The following EIF2AK3 variants were observed in gnomAD, a reference collection of about 807,000 sequenced individuals.
The protein encoded by EIF2AK3 is eukaryotic translation initiation factor 2-alpha kinase 3.
EIF2AK3 carries 50 observed loss-of-function variants against 113.5 expected under a neutral mutation model. The observed-to-expected ratio is 0.44, with a 90% CI of 0.35 to 0.56. The LOEUF (loss-of-function observed/expected upper bound fraction) is 0.56. EIF2AK3 is among the 20% of genes least tolerant of loss of function. The pLI is 0.00. For synonymous variants in EIF2AK3, 448 were observed against 495.4 expected (o/e 0.90, Z 1.27); for missense variants, 1,185 against 1,378.0 (o/e 0.86, Z 2.22).
chr2:88,573,110 C>CTTT (rs112158228), intron 13 of EIF2AK3, among the ~76,000 whole-genome samples: 1 of 128,324 alleles, frequency 7.8e-6, no homozygotes, highest in African/African-American at 2.7e-5. Flanking sequence ...AAAATCTTGG[C>CTTT]TTTTTTTTTT....
intron 14 of EIF2AK3, among the ~76,000 whole-genome samples, chr2:88,567,352 TTG>T (rs753884122): frequency 3.5e-4 from 53 of 152,344 alleles, no homozygotes; most frequent in Admixed American, 1.6e-3. Flanking sequence ...TTGCTGCAGT[TTG>T]TGTTTGTCGT....
rs752723076 is a variant in EIF2AK3, at chr2:88,583,512, T to A, written c.1681A>T (p.Thr561Ser). 3 of 1,613,202 alleles carry A rather than the reference T, an allele frequency of 1.9e-6. No homozygotes were observed. In the Admixed American group the frequency reaches 5.0e-5, roughly 27 times the overall value. ...QRKESETQCQ[T>S]ENKYDSVSGE... is the part of the protein sequence containing the mutation. ...CTTACAGAATCATATTTATTTTCAG[T>A]TTGACACTGAGTTTCAGACTCCTTC... The change falls in exon 10 of 17, where the codon ACT becomes TCT. Residue 561 changes from threonine to serine, a missense_variant. By Grantham distance (58) the Thr-to-Ser change is moderately conservative. Around this residue, in one of 3 missense-constraint regions of EIF2AK3, gnomAD observed 877 missense variants for 1,024.2 expected, o/e 0.86. Transcript: ENST00000303236.
chr2:88,604,479 C>G (rs1363270582), intron 2 of EIF2AK3, among the ~76,000 whole-genome samples: 1 of 152,202 alleles, frequency 6.6e-6, no homozygotes, highest in Non-Finnish European at 1.5e-5. Context: ...TAGGTAAGCA[C>G]TTATGCTTGT....
chr2:88,621,233 G>A (rs1024827476), intron 1 of EIF2AK3, among the ~76,000 whole-genome samples: 3 of 152,008 alleles, frequency 2.0e-5, no homozygotes, highest in Non-Finnish European at 2.9e-5. Flanking sequence ...CAATGAATAC[G>A]CAATAAAAAA....
At chr2:88,577,864 A>T (rs1573395619) in intron 11 of EIF2AK3, among the ~76,000 whole-genome samples, 1 of 152,148 alleles carries the variant, frequency 6.6e-6, no homozygotes, top group Non-Finnish European at 1.5e-5. Context: ...ACTCTTGAGC[A>T]CCCAGAGCAA....
chr2:88,599,739 C>G (rs1378511589), intron 2 of EIF2AK3, among the ~76,000 whole-genome samples: 1 of 151,992 alleles, frequency 6.6e-6, no homozygotes, highest in Non-Finnish European at 1.5e-5. Flanking sequence ...GACTTATTTC[C>G]TCTTCCATTA....
At chr2:88,575,521 T>TA in intron 12 of EIF2AK3, 75 bp from the exon 13 acceptor site, 1 of 1,533,502 alleles carries the variant, frequency 6.5e-7, no homozygotes. Flanking sequence ...ACCCTCTGTT[T>TA]AAAAAGCTTC....
intron 1 of EIF2AK3, among the ~76,000 whole-genome samples, chr2:88,619,357 A>G (rs909567748): frequency 2.6e-5 from 4 of 152,056 alleles, no homozygotes; most frequent in Non-Finnish European, 4.4e-5. Context: ...TACATGTTCT[A>G]CCTAGATGGT....
chr2:88,568,706 AAAAC>A (rs1455285271), intron 14 of EIF2AK3, among the ~76,000 whole-genome samples: 1 of 152,226 alleles, frequency 6.6e-6, no homozygotes, highest in Non-Finnish European at 1.5e-5. Flanking sequence ...GTCAATTTAA[AAAAC>A]AAACTAATTT....
chr2:88,602,121 G>A (rs553497661), intron 2 of EIF2AK3, among the ~76,000 whole-genome samples: 1 of 152,164 alleles, frequency 6.6e-6, no homozygotes, highest in African/African-American at 2.4e-5. Context: ...AAAGTGCTGG[G>A]ATTACAGGCG....
chr2:88,579,754 CTTAATA>C lies in EIF2AK3; in HGVS notation c.1764-120_1764-115del, dbSNP rs958772154. The C allele has an allele frequency of 5.2e-6, 5 of 953,254 alleles. No individual in the cohort carries two copies. The African/African-American group carries it at 8.3e-5, about 16-fold the overall frequency. 59.0% of individuals were successfully genotyped at this position (953,254 alleles called of 1,614,324 possible). ...AAATGTATAAACTCATAGAACTCATCTTAATAAATAGTATATTTTGAATTTGATTAA... is the reference window on the plus strand; with the variant it reads ...AAATGTATAAACTCATAGAACTCATCAATAGTATATTTTGAATTTGATTAA... On this transcript the variant is annotated intron_variant, in intron 10 of 16. Coordinates refer to ENST00000303236, the MANE Select transcript of EIF2AK3 (RefSeq NM_004836.7).
chr2:88,628,077 AGAT>A (rs1675923797), upstream of EIF2AK3: 1 of 152,398 alleles, frequency 6.6e-6, no homozygotes, highest in African/African-American at 2.4e-5. Context: ...AGGATGCAGG[AGAT>A]GGTCCTACTT....
chr2:88,616,285 C>T (rs1241644992), intron 1 of EIF2AK3, among the ~76,000 whole-genome samples: 1 of 152,172 alleles, frequency 6.6e-6, no homozygotes, highest in Non-Finnish European at 1.5e-5. Flanking sequence ...TCAGAGTTTG[C>T]ATATCCATAG....
intron 2 of EIF2AK3, among the ~76,000 whole-genome samples, chr2:88,608,222 C>T (rs971495429): frequency 2.0e-5 from 3 of 152,168 alleles, no homozygotes; most frequent in African/African-American, 7.2e-5. Context: ...CTTCTCTGGT[C>T]TTCTGAGTTA....
intron 2 of EIF2AK3, among the ~76,000 whole-genome samples, chr2:88,613,397 T>G (rs1030603362): frequency 6.6e-6 from 1 of 152,226 alleles, no homozygotes; most frequent in Non-Finnish European, 1.5e-5. Context: ...TATCTTATTA[T>G]TCCTAGAGAT....
At chr2:88,571,072 T>C (rs1173981133) in intron 13 of EIF2AK3, 31 bp from the exon 14 acceptor site, 2 of 1,612,338 alleles carry the variant, frequency 1.2e-6, no homozygotes, top group Non-Finnish European at 1.7e-6. Context: ...AAAAGTACAG[T>C]GGGTGTGCAT....
intron 1 of EIF2AK3, among the ~76,000 whole-genome samples, chr2:88,626,591 C>G (rs1474086536): frequency 2.0e-5 from 3 of 152,196 alleles, no homozygotes; most frequent in Non-Finnish European, 4.4e-5. Flanking sequence ...ACAGCTGTCA[C>G]GCCAGCACAG....
rs758593623 is a variant in EIF2AK3, at chr2:88,574,935, CAGA to C, written c.2545_2547del (p.Ser849del). On this transcript the variant is annotated inframe_deletion, in exon 13 of 17. Transcript: ENST00000303236. ...GGAGGAGAAATAGACAATGTAGCTT[CAGA>C]AGAAGATTTGCTACTGGTGGGCTTG... 23 of 1,614,174 alleles carry C rather than the reference CAGA, an allele frequency of 1.4e-5. No individual in the cohort carries two copies. The highest frequency in any genetic ancestry group is 1.6e-4 in the Middle Eastern group (1 of 6,062).
intron 10 of EIF2AK3, among the ~76,000 whole-genome samples, chr2:88,580,874 T>C (rs553647985): frequency 1.3e-5 from 2 of 152,254 alleles, no homozygotes; most frequent in Admixed American, 6.5e-5. Context: ...ATAATCTGTA[T>C]TCCTAAAAAT....
Sources: gnomAD v4.1 joint callset for allele counts (sites outside exome capture counted in the v4.1 genomes callset) on GRCh38, gnomAD v4.1.1 for gene constraint, gnomAD v4.1.1 regional missense constraint, MANE v1.5 for transcripts, NCBI Gene and HGNC (gene_info 2026-07-23, HGNC 2026-07-21) for gene names.